Variants in UBXN2B observed in about 807,000 individuals in gnomAD.
UBXN2B encodes the protein UBX domain protein 2B.
A neutral mutation model predicts 37.5 loss-of-function variants in UBXN2B; 19 were observed. The observed-to-expected ratio is 0.51, with a 90% CI of 0.35 to 0.74. UBXN2B has a LOEUF of 0.74. Among genes scored for constraint, UBXN2B ranks in the 30% least tolerant of loss-of-function variants. The pLI is 0.01. For synonymous variants in UBXN2B, 145 were observed against 143.8 expected, an observed-to-expected ratio of 1.01 and a Z score of -0.06; for missense variants, 370 against 393.2, an observed-to-expected ratio of 0.94 and a Z score of 0.50.
At chr8:58,425,019 A>C in intron 2 of UBXN2B, 1 of 782,142 alleles carries the variant, frequency 1.3e-6, no homozygotes, top group South Asian at 1.3e-5. Flanking sequence ...CTGGCCTTGC[A>C]TGCATGATGC....
At chr8:58,424,756 C>A (rs1808033311) in intron 2 of UBXN2B, 8 of 1,422,014 alleles carry the variant, frequency 5.6e-6, no homozygotes, top group Non-Finnish European at 7.9e-6. Context: ...ATATTCATGA[C>A]CTTTCCTCTT....
chr8:58,412,118 G>T (rs746126720), intron 1 of UBXN2B, among the ~76,000 whole-genome samples: 2 of 152,126 alleles, frequency 1.3e-5, no homozygotes, highest in African/African-American at 2.4e-5. Context: ...AGATACTAAC[G>T]CCACTTTTCT....
chr8:58,434,833 C>T, intron 5 of UBXN2B: 1 of 1,535,326 alleles, frequency 6.5e-7, no homozygotes, highest in Non-Finnish European at 8.7e-7. Flanking sequence ...ACCCACTAAG[C>T]CACTGTCCTG....
chr8:58,419,232 C>T (rs1176027528), intron 2 of UBXN2B, among the ~76,000 whole-genome samples: 1 of 152,128 alleles, frequency 6.6e-6, no homozygotes, highest in African/African-American at 2.4e-5. Flanking sequence ...CGTATGATAT[C>T]TTCTAATGCT....
At chr8:58,427,355 C>T (rs1001706) in intron 2 of UBXN2B, among the ~76,000 whole-genome samples, 29,430 of 152,004 alleles carry the variant, frequency 0.19, 2,974 homozygotes, top group Middle Eastern at 0.28. Flanking sequence ...CCCAACTGCT[C>T]GGGAGGCTGA....
chr8:58,431,886 T>C (rs1445776590), intron 3 of UBXN2B, among the ~76,000 whole-genome samples: 1 of 152,268 alleles, frequency 6.6e-6, no homozygotes, highest in Non-Finnish European at 1.5e-5. Context: ...ATCTGTATTA[T>C]TCTTTTCAAG....
At chr8:58,445,234 C>G (rs1383474718) in intron 6 of UBXN2B, among the ~76,000 whole-genome samples, 2 of 152,112 alleles carry the variant, frequency 1.3e-5, no homozygotes, top group Non-Finnish European at 2.9e-5. Flanking sequence ...CACTAGTAAC[C>G]AAGTTCTAAT....
intron 2 of UBXN2B, chr8:58,426,745 C>G: frequency 1.5e-6 from 1 of 654,728 alleles, no homozygotes; most frequent in African/African-American, 1.8e-5. Flanking sequence ...CCACTGGGCT[C>G]GGTCACGTTG....
intron 3 of UBXN2B, 71 bp downstream of exon 3, chr8:58,430,740 G>T (rs746025228): frequency 6.7e-6 from 8 of 1,187,168 alleles, no homozygotes; most frequent in Non-Finnish European, 8.7e-6. Context: ...TCTATTATTT[G>T]CAAACATTGT....
chr8:58,430,403 C>T (rs893532296), intron 2 of UBXN2B, 116 bp from the exon 3 acceptor site: 2 of 715,446 alleles, frequency 2.8e-6, no homozygotes, highest in African/African-American at 1.9e-5. Context: ...TCATAGAAGT[C>T]AAAATAATGC....
At chr8:58,421,899 G>A (rs1444117498) in intron 2 of UBXN2B, among the ~76,000 whole-genome samples, 2 of 152,186 alleles carry the variant, frequency 1.3e-5, no homozygotes, top group Non-Finnish European at 2.9e-5. Flanking sequence ...AACAAAGCTA[G>A]CCAAGATCAG....
At chr8:58,440,449 G>T (rs923064880) in intron 6 of UBXN2B, among the ~76,000 whole-genome samples, 2 of 152,170 alleles carry the variant, frequency 1.3e-5, no homozygotes, top group African/African-American at 2.4e-5. Flanking sequence ...GTGAAAGAAG[G>T]CATTGTATCT....
chr8:58,432,107 T>C (rs1284751630), intron 3 of UBXN2B, among the ~76,000 whole-genome samples: 1 of 152,208 alleles, frequency 6.6e-6, no homozygotes, highest in East Asian at 1.9e-4. Flanking sequence ...TCCAATTTAT[T>C]CCTTTTTTTT....
chr8:58,419,797 A>C (rs762170770), intron 2 of UBXN2B, among the ~76,000 whole-genome samples: 2 of 152,256 alleles, frequency 1.3e-5, no homozygotes, highest in Non-Finnish European at 2.9e-5. Context: ...TTAGTAGCTT[A>C]GTAGCAAATA....
intron 2 of UBXN2B, among the ~76,000 whole-genome samples, chr8:58,421,227 T>C (rs2129603808): frequency 6.6e-6 from 1 of 152,166 alleles, no homozygotes; most frequent in East Asian, 1.9e-4. Context: ...ACCAAGAAAG[T>C]CCTACACATG....
chr8:58,431,363 A>G (rs1808271550), intron 3 of UBXN2B, among the ~76,000 whole-genome samples: 2 of 152,242 alleles, frequency 1.3e-5, no homozygotes, highest in Admixed American at 1.3e-4. Flanking sequence ...TTCACTTGGC[A>G]TAATGCCCTT....
intron 5 of UBXN2B, among the ~76,000 whole-genome samples, chr8:58,437,108 G>T (rs1402431031): frequency 6.6e-6 from 1 of 152,086 alleles, no homozygotes; most frequent in East Asian, 1.9e-4. Flanking sequence ...TTCTCAAGTG[G>T]TTGTGACCAA....
chr8:58,424,581 G>C (rs1369017565), intron 2 of UBXN2B: 1 of 1,070,798 alleles, frequency 9.3e-7, no homozygotes, highest in East Asian at 2.4e-5. Context: ...AGTTTTGGCA[G>C]ATTTTCTCAT....
chr8:58,447,664 A>G lies in UBXN2B; in HGVS notation c.*113A>G, dbSNP rs1193685771. 12 of 1,146,334 alleles carry G rather than the reference A, an allele frequency of 1.0e-5. No individual in the cohort carries two copies. In the African/African-American group the frequency reaches 1.9e-4, roughly 18 times the overall value. 71.0% of individuals were successfully genotyped at this position (1,146,334 alleles called of 1,614,324 possible). Reference sequence around the variant, plus strand: ...TTATTTTTATTATTTTTACAGATAAATTTTGGTTTTATTGTTATTCTGTCT... The same window carrying G: ...TTATTTTTATTATTTTTACAGATAAGTTTTGGTTTTATTGTTATTCTGTCT... On this transcript the variant is annotated 3_prime_UTR_variant, in exon 8 of 8. Coordinates refer to ENST00000399598, the MANE Select transcript of UBXN2B (RefSeq NM_001077619.2).
Sources: gnomAD v4.1 joint callset for allele counts (sites outside exome capture counted in the v4.1 genomes callset) on GRCh38, gnomAD v4.1.1 for gene constraint, MANE v1.5 for transcripts, NCBI Gene and HGNC (gene_info 2026-07-23, HGNC 2026-07-21) for gene names.